Variants in CNST observed in about 807,000 individuals in gnomAD.
CNST encodes the protein consortin, connexin sorting protein.
CNST carries 39 observed loss-of-function variants against 72.4 expected under a neutral mutation model. The observed-to-expected ratio is 0.54, with a 90% CI of 0.42 to 0.70. The LOEUF (loss-of-function observed/expected upper bound fraction) is 0.70, where lower values mean the gene tolerates loss of function less well. Among genes scored for constraint, CNST ranks in the 30% least tolerant of loss-of-function variants. The pLI is 0.00. For synonymous variants in CNST, 332 were observed against 320.1 expected, an observed-to-expected ratio of 1.04 and a Z score of -0.40; for missense variants, 871 against 868.5, an observed-to-expected ratio of 1.00 and a Z score of -0.04.
chr1:246,617,588 GA>G (rs1161393398), intron 2 of CNST, among the ~76,000 whole-genome samples: 1 of 152,112 alleles, frequency 6.6e-6, no homozygotes, highest in Non-Finnish European at 1.5e-5. Flanking sequence ...TGTTACAGAG[GA>G]AAAAATAGAG....
rs763170780 is a variant in CNST at position 246,591,919 on chromosome 1, G to T, written c.357G>T (p.Gly119=). ...PGKRSPRSKK[G]TAKKIPPGLF... ...AAAGAAGTCCAAGAAGCAAAAAAGG[G>T]ACTGCTAAGAAGATACCACCAGGTA... The change falls in exon 2 of 11, where the codon GGG becomes GGT. Residue 119 remains glycine (G), a synonymous_variant. Transcript: ENST00000366513. 1 of 1,612,700 alleles carries T rather than the reference G, an allele frequency of 6.2e-7. No homozygotes were observed. The highest frequency in any genetic ancestry group is 8.5e-7 in the Non-Finnish European group (1 of 1,179,630).
intron 1 of CNST, chr1:246,569,928 G>A (rs1363768060): frequency 3.1e-6 from 3 of 983,496 alleles, no homozygotes; most frequent in Non-Finnish European, 3.6e-6. Context: ...CAAGAAGATT[G>A]AACTTTATTG....
chr1:246,598,118 A>G (rs911502619), intron 2 of CNST, among the ~76,000 whole-genome samples: 2 of 151,304 alleles, frequency 1.3e-5, no homozygotes, highest in Non-Finnish European at 2.9e-5. Flanking sequence ...AGTAGCTGGG[A>G]CTACAAGCGC....
intron 10 of CNST, among the ~76,000 whole-genome samples, chr1:246,662,781 A>G (rs767987531): frequency 6.6e-6 from 1 of 152,248 alleles, no homozygotes; most frequent in African/African-American, 2.4e-5. Context: ...GAGACATTTT[A>G]CATCCTTTTT....
At chr1:246,645,221 A>C (rs1665962662) in intron 8 of CNST, among the ~76,000 whole-genome samples, 1 of 152,012 alleles carries the variant, frequency 6.6e-6, no homozygotes, top group African/African-American at 2.4e-5. Context: ...TTTGCTTGAT[A>C]TGGTATGGGC....
Position 246,665,808 on chromosome 1 carries a change from C to T in CNST, c.2081C>T (p.Ser694Leu). 6.2e-7 allele frequency: 1 copy of T among 1,613,886 alleles called. No homozygotes were observed. Among genetic ancestry groups the T allele is most frequent in the South Asian group, 1.1e-5 (1 of 91,060 alleles). Residue 694 changes from serine (S) to leucine (L), a missense_variant, in exon 11 of 11, where the codon TCA becomes TTA. Ser to Leu is a moderately radical substitution (Grantham distance 145). Coordinates refer to ENST00000366513, the MANE Select transcript of CNST (RefSeq NM_152609.3). ...TACTGCACTTTCGGTGACATGGAGT[C>T]ACCTGTTTGTACTGACTTTGCAGAC... is the stretch of plus-strand genomic sequence containing the variant. ...ALYCTFGDME[S>L]PVCTDFADNM...
At chr1:246,623,171 G>A (rs1371524312) in intron 3 of CNST, among the ~76,000 whole-genome samples, 1 of 152,156 alleles carries the variant, frequency 6.6e-6, no homozygotes, top group Non-Finnish European at 1.5e-5. Context: ...CATGGGAATG[G>A]AGAAAGTGAT....
Position 246,591,908 on chromosome 1 carries a change from A to G in CNST, c.346A>G (p.Ser116Gly). ...AATTCCTGGAAAAAGAAGTCCAAGA[A>G]GCAAAAAAGGGACTGCTAAGAAGAT... ...KKIPGKRSPRSKKGTAKKIPP... is the reference protein window; with the variant it reads ...KKIPGKRSPRGKKGTAKKIPP... Residue 116 changes from serine to glycine, a missense_variant, in exon 2 of 11, where the codon AGC becomes GGC. Ser to Gly is a moderately conservative substitution (Grantham distance 56). Coordinates refer to ENST00000366513, the MANE Select transcript of CNST (RefSeq NM_152609.3). The G allele has an allele frequency of 1.9e-6, 3 of 1,613,898 alleles. No homozygotes were observed. The highest frequency in any genetic ancestry group is 2.5e-6 in the Non-Finnish European group (3 of 1,179,934).
chr1:246,595,112 C>G (rs1572143887), intron 2 of CNST, among the ~76,000 whole-genome samples: 1 of 152,098 alleles, frequency 6.6e-6, no homozygotes, highest in Non-Finnish European at 1.5e-5. Context: ...ATGGACGAGG[C>G]GGGACTGAGT....
At chr1:246,648,189 T>C in intron 9 of CNST, 152 bp downstream of exon 9, 1 of 1,418,070 alleles carries the variant, frequency 7.1e-7, no homozygotes, top group Non-Finnish European at 9.2e-7. Context: ...TAGTAGTTTT[T>C]ACATTTGTAT....
At chr1:246,634,159 C>A in intron 5 of CNST, 149 bp downstream of exon 5, 1 of 617,774 alleles carries the variant, frequency 1.6e-6, no homozygotes, top group Non-Finnish European at 2.9e-6. Flanking sequence ...GCATTTTTAC[C>A]ACAAGTCTAT....
chr1:246,590,444 T>C (rs1661475011), intron 1 of CNST, among the ~76,000 whole-genome samples: 1 of 152,160 alleles, frequency 6.6e-6, no homozygotes, highest in African/African-American at 2.4e-5. Flanking sequence ...TTTTGCTTTC[T>C]CCCTTTTCGC....
At chr1:246,636,719 C>T (rs1036137436) in intron 6 of CNST, among the ~76,000 whole-genome samples, 2 of 152,196 alleles carry the variant, frequency 1.3e-5, no homozygotes, top group African/African-American at 2.4e-5. Flanking sequence ...CATGTAGCCC[C>T]ATTATGACTG....
In CNST at chr1:246,641,946, A is replaced by G. The variant is rs1395597782; in HGVS notation, c.846A>G (p.Ala282=). Residue 282 remains alanine, a synonymous_variant, in exon 8 of 11, where the codon GCA becomes GCG. Transcript: ENST00000366513. ...TCTTGTTTTAAACTTTTTAGATAGC[A>G]GCTGTGGAGAAGTCCCAGGAAAGGA... ...QDPLLSKHKI[A]AVEKSQERKC... The G allele has an allele frequency of 6.8e-6, 11 of 1,607,870 alleles. No individual in the cohort carries two copies. The highest frequency in any genetic ancestry group is 9.3e-6 in the Non-Finnish European group (11 of 1,177,072).
At chr1:246,568,403 T>TAAA (rs556983853) in intron 1 of CNST, among the ~76,000 whole-genome samples, 72 of 152,326 alleles carry the variant, frequency 4.7e-4, no homozygotes, top group African/African-American at 1.7e-3. Flanking sequence ...ACTTGAATAA[T>TAAA]AAGAGATTTT....
chr1:246,599,696 G>A (rs1000052529), intron 2 of CNST, among the ~76,000 whole-genome samples: 3 of 152,206 alleles, frequency 2.0e-5, no homozygotes, highest in Non-Finnish European at 4.4e-5. Flanking sequence ...ATATTTATAA[G>A]TTCTGGGTAT....
chr1:246,615,830 AT>A (rs1663653232), intron 2 of CNST, among the ~76,000 whole-genome samples: 1 of 151,876 alleles, frequency 6.6e-6, no homozygotes, highest in Admixed American at 6.6e-5. Context: ...GTGAGCCGAG[AT>A]TGTGCAATTG....
chr1:246,632,888 A>G (rs947201316), intron 4 of CNST, among the ~76,000 whole-genome samples: 17 of 152,192 alleles, frequency 1.1e-4, no homozygotes, highest in Non-Finnish European at 2.5e-4. Flanking sequence ...GTGGGAAATA[A>G]TAAGGATCAA....
intron 1 of CNST, among the ~76,000 whole-genome samples, chr1:246,572,116 T>A (rs1660104045): frequency 6.6e-6 from 1 of 152,168 alleles, no homozygotes; most frequent in Non-Finnish European, 1.5e-5. Context: ...CCTGTAGTCC[T>A]AGCTACTCTG....
Sources: gnomAD v4.1 joint callset for allele counts (sites outside exome capture counted in the v4.1 genomes callset) on GRCh38, gnomAD v4.1.1 for gene constraint, MANE v1.5 for transcripts, NCBI Gene and HGNC (gene_info 2026-07-23, HGNC 2026-07-21) for gene names.